The following DPP6 variants were observed in gnomAD, a reference collection of about 807,000 sequenced individuals.
DPP6 encodes the protein A-type potassium channel modulatory protein DPP6.
A neutral mutation model predicts 122.6 loss-of-function variants in DPP6; 69 were observed. That is an observed-to-expected ratio of 0.56 (90% CI 0.46 to 0.69). The LOEUF (loss-of-function observed/expected upper bound fraction) is 0.69. Ranked by LOEUF, DPP6 falls within the 30% of genes least tolerant of loss-of-function variation. The pLI is 0.00. For missense variants in DPP6, 928 were observed against 1,116.9 expected (o/e 0.83, Z 2.41); for synonymous variants, 418 against 433.1 (o/e 0.97, Z 0.43).
intron 1 of DPP6, among the ~76,000 whole-genome samples, chr7:153,991,939 T>C (rs1797197237): frequency 6.6e-6 from 1 of 151,938 alleles, no homozygotes; most frequent in South Asian, 2.1e-4. Context: ...TTTCTCTCAG[T>C]CCTGGGGTCT....
At chr7:154,252,094 C>G (rs753860582) in intron 1 of DPP6, among the ~76,000 whole-genome samples, 59 of 152,216 alleles carry the variant, frequency 3.9e-4, no homozygotes, top group Non-Finnish European at 7.1e-4. Flanking sequence ...GGTAGAGAGA[C>G]TCATTCTTGC....
At chr7:154,698,434 G>A (rs908846862) in intron 7 of DPP6, among the ~76,000 whole-genome samples, 15 of 152,210 alleles carry the variant, frequency 9.9e-5, no homozygotes, top group South Asian at 2.1e-4. Flanking sequence ...ATTGTCGTCC[G>A]TATGCCTCAT....
chr7:154,886,081 G>A (rs755404587), intron 22 of DPP6, among the ~76,000 whole-genome samples: 2 of 152,232 alleles, frequency 1.3e-5, no homozygotes, highest in Admixed American at 6.5e-5. Flanking sequence ...AGGCCCTGCC[G>A]GGCCGCCCTC....
chr7:154,614,996 C>T (rs1834144755), intron 5 of DPP6, among the ~76,000 whole-genome samples: 1 of 152,162 alleles, frequency 6.6e-6, no homozygotes, highest in Non-Finnish European at 1.5e-5. Context: ...GTGCAGGCTA[C>T]GTTGGGCGCT....
intron 1 of DPP6, among the ~76,000 whole-genome samples, chr7:154,105,913 C>T (rs1240355766): frequency 6.6e-6 from 1 of 150,500 alleles, no homozygotes; most frequent in Admixed American, 6.6e-5. Flanking sequence ...GATAAGTCCA[C>T]ATTGCAGGCT....
At chr7:154,147,648 TTGTG>T (rs370147218) in intron 1 of DPP6, among the ~76,000 whole-genome samples, 102,813 of 146,268 alleles carry the variant, frequency 0.7, 35,848 homozygotes, top group Middle Eastern at 0.79. Flanking sequence ...CCCAGCTAAT[TTGTG>T]TGTGTGTGTG....
At chr7:153,753,640 G>A in the DPP6 span, among the ~76,000 whole-genome samples, 1 of 152,082 alleles carries the variant, frequency 6.6e-6, no homozygotes, top group Admixed American at 6.5e-5. Flanking sequence ...TTCCACCTTT[G>A]TCTCCAAAGC....
chr7:153,774,938 A>G, the DPP6 span, among the ~76,000 whole-genome samples: 2 of 152,128 alleles, frequency 1.3e-5, no homozygotes, highest in Non-Finnish European at 2.9e-5. Context: ...ACTGCACTCC[A>G]GCAGTGTTCT....
At chr7:153,936,572 C>T (rs1424870958) in intron 1 of DPP6, among the ~76,000 whole-genome samples, 2 of 151,848 alleles carry the variant, frequency 1.3e-5, no homozygotes, top group African/African-American at 2.4e-5. Context: ...TTTGGGAGGC[C>T]GAGACAGCCG....
At chr7:154,091,617 G>A (rs563019360) in intron 1 of DPP6, among the ~76,000 whole-genome samples, 218 of 147,754 alleles carry the variant, frequency 1.5e-3, no homozygotes, top group African/African-American at 5.1e-3. Flanking sequence ...AGAGAGAGCA[G>A]AAGCTGGTGA....
At chr7:154,063,364 T>A (rs867153529) in intron 1 of DPP6, among the ~76,000 whole-genome samples, 1 of 48,008 alleles carries the variant, frequency 2.1e-5, no homozygotes, top group Non-Finnish European at 3.9e-5. Context: ...TGCAGGAGGG[T>A]GTGGCACCCC....
the DPP6 span, among the ~76,000 whole-genome samples, chr7:153,815,639 A>T: frequency 1.9e-4 from 29 of 152,122 alleles, no homozygotes; most frequent in East Asian, 5.6e-3. Context: ...TCAACAGAAG[A>T]GGTGACACAA....
intron 1 of DPP6, among the ~76,000 whole-genome samples, chr7:154,308,714 C>A (rs952856519): frequency 6.6e-6 from 1 of 152,052 alleles, no homozygotes; most frequent in Admixed American, 6.6e-5. Flanking sequence ...CTTAGAAAAC[C>A]AAATTAAGGG....
intron 1 of DPP6, among the ~76,000 whole-genome samples, chr7:154,442,580 AG>A (rs1175033524): frequency 1.3e-5 from 2 of 152,156 alleles, no homozygotes; most frequent in African/African-American, 4.8e-5. Context: ...CAGGAACAAT[AG>A]GGTATGAGCG....
intron 1 of DPP6, among the ~76,000 whole-genome samples, chr7:153,944,054 A>C (rs1801822474): frequency 6.6e-6 from 1 of 152,180 alleles, no homozygotes; most frequent in South Asian, 2.1e-4. Flanking sequence ...CGGTCCAAGT[A>C]ACACAATAGA....
At position 154,638,508 on chromosome 7, in the gene DPP6, C is replaced by A. The variant is rs79142392; in HGVS notation, c.680+635C>A. ...GCCGGGTTTCAGTGCCTGCTTTTGACTGGGCCCCCCGGCTTCATTCTTTCA... is the reference window on the plus strand; with the variant it reads ...GCCGGGTTTCAGTGCCTGCTTTTGAATGGGCCCCCCGGCTTCATTCTTTCA... On this transcript the variant is annotated intron_variant, in intron 6 of 25. Coordinates refer to ENST00000377770, the MANE Select transcript of DPP6 (RefSeq NM_130797.4). 3.8e-3 allele frequency among the ~76,000 whole-genome samples: 583 copies of A among 152,306 alleles called. 15 individuals are homozygous for A. In the East Asian group the frequency reaches 0.059, roughly 15 times the overall value.
intron 1 of DPP6, among the ~76,000 whole-genome samples, chr7:154,428,752 A>C (rs1818114053): frequency 6.6e-6 from 1 of 152,226 alleles, no homozygotes; most frequent in African/African-American, 2.4e-5. Context: ...CAGGAATGGA[A>C]AACCTAATAT....
chr7:154,267,251 A>T (rs1207682566), intron 1 of DPP6, among the ~76,000 whole-genome samples: 2 of 150,702 alleles, frequency 1.3e-5, no homozygotes, highest in African/African-American at 2.4e-5. Flanking sequence ...TTTCATTTTG[A>T]ATACTTAAAT....
chr7:153,892,244 G>A (rs1311045977), intron 1 of DPP6, among the ~76,000 whole-genome samples: 1 of 152,222 alleles, frequency 6.6e-6, no homozygotes, highest in East Asian at 1.9e-4. Flanking sequence ...CTTGTAATTA[G>A]CCCAGGTGAG....
Sources: gnomAD v4.1 joint callset for allele counts (sites outside exome capture counted in the v4.1 genomes callset) on GRCh38, gnomAD v4.1.1 for gene constraint, MANE v1.5 for transcripts, NCBI Gene and HGNC (gene_info 2026-07-23, HGNC 2026-07-21) for gene names.